The following R3HDM1 variants were observed in gnomAD, a reference collection of about 807,000 sequenced individuals.
R3HDM1 encodes R3H domain-containing protein 1.
R3HDM1 carries 46 observed loss-of-function variants against 141.1 expected under a neutral mutation model. The observed-to-expected ratio is 0.33, with a 90% CI of 0.26 to 0.42. R3HDM1 has a LOEUF of 0.42. R3HDM1 is among the 10% of genes least tolerant of loss of function. R3HDM1 has a pLI of 1.00. For synonymous variants in R3HDM1, 435 were observed against 472.9 expected, an observed-to-expected ratio of 0.92 and a Z score of 1.04; for missense variants, 1,184 against 1,368.3, an observed-to-expected ratio of 0.87 and a Z score of 2.12.
intron 1 of R3HDM1, among the ~76,000 whole-genome samples, chr2:135,536,092 C>T (rs908568320): frequency 1.3e-5 from 2 of 152,094 alleles, no homozygotes; most frequent in African/African-American, 4.8e-5. Context: ...TTCTACCTGT[C>T]AGCTCACTTC....
chr2:135,531,643 GC>G lies in R3HDM1; in HGVS notation c.-250+13del, dbSNP rs1257041271. 79 of 986,330 alleles carry G rather than the reference GC, an allele frequency of 8.0e-5. No homozygotes were observed. Among genetic ancestry groups the G allele is most frequent in the Non-Finnish European group, 9.3e-5 (77 of 830,382 alleles). 61.1% of individuals were successfully genotyped at this position (986,330 alleles called of 1,614,324 possible). On this transcript the variant is annotated intron_variant, in intron 1 of 26. Transcript: ENST00000683871. ...CTCCTCAGTAACGCGGGTAAGAGATGCCCTTCCCTCCCCCGTCCAGCTCCCC... is the reference window on the plus strand; with the variant it reads ...CTCCTCAGTAACGCGGGTAAGAGATGCCTTCCCTCCCCCGTCCAGCTCCCC...
intron 21 of R3HDM1, among the ~76,000 whole-genome samples, chr2:135,683,787 G>A (rs2070770935): frequency 6.6e-6 from 1 of 151,858 alleles, no homozygotes; most frequent in Non-Finnish European, 1.5e-5. Context: ...ACCATCTAAG[G>A]GCTAATGAAT....
chr2:135,672,612 T>G (rs2068563482), intron 19 of R3HDM1, among the ~76,000 whole-genome samples: 1 of 152,236 alleles, frequency 6.6e-6, no homozygotes, highest in East Asian at 1.9e-4. Flanking sequence ...TCTATCTTTA[T>G]CTAACCCAGA....
At chr2:135,585,426 G>A (rs188069325) in intron 1 of R3HDM1, among the ~76,000 whole-genome samples, 9 of 152,230 alleles carry the variant, frequency 5.9e-5, no homozygotes, top group Admixed American at 4.6e-4. Flanking sequence ...TCTTCACATC[G>A]TGCAGGTAAC....
intron 23 of R3HDM1, among the ~76,000 whole-genome samples, chr2:135,711,787 C>T (rs1387689782): frequency 1.3e-5 from 2 of 151,648 alleles, no homozygotes; most frequent in Non-Finnish European, 2.9e-5. Context: ...GGAGAAACCC[C>T]GTCTCTACTA....
rs1176978948 is a variant in R3HDM1 at position 135,675,570 on chromosome 2, C to T, written c.2307+84C>T. ...AACTACAATACATCTTCTATGCTCT[C>T]CTTTTAATACAGGAAAAACATTTCT... On this transcript the variant is annotated intron_variant, in intron 20 of 26. Coordinates refer to ENST00000683871, the MANE Select transcript of R3HDM1 (RefSeq NM_001378107.1). The T allele has an allele frequency of 3.0e-6, 4 of 1,317,076 alleles. No individual in the cohort carries two copies. In the East Asian group the frequency reaches 9.4e-5, roughly 31 times the overall value. 81.6% of individuals were successfully genotyped at this position (1,317,076 alleles called of 1,614,324 possible).
At chr2:135,655,736 C>T (rs1276353428) in intron 18 of R3HDM1, among the ~76,000 whole-genome samples, 5 of 151,938 alleles carry the variant, frequency 3.3e-5, no homozygotes, top group African/African-American at 9.7e-5. Flanking sequence ...CCTCGTGATC[C>T]GCCCGCCTCG....
chr2:135,646,137 CTTT>C (rs200777494), intron 16 of R3HDM1, among the ~76,000 whole-genome samples: 2 of 139,626 alleles, frequency 1.4e-5, no homozygotes, highest in African/African-American at 2.6e-5. Flanking sequence ...TTTATTCTAA[CTTT>C]TTTTTTTTTT....
chr2:135,548,089 A>G (rs948655072), intron 1 of R3HDM1, among the ~76,000 whole-genome samples: 1 of 152,158 alleles, frequency 6.6e-6, no homozygotes, highest in Non-Finnish European at 1.5e-5. Context: ...TTTTTCTGAC[A>G]TCAGACTTGA....
At chr2:135,706,731 A>G (rs972770545) in intron 21 of R3HDM1, among the ~76,000 whole-genome samples, 1 of 152,116 alleles carries the variant, frequency 6.6e-6, no homozygotes, top group Non-Finnish European at 1.5e-5. Flanking sequence ...AGGCAGAAGA[A>G]TTTTTCTTAG....
chr2:135,644,442 T>C (rs1363628259), intron 15 of R3HDM1, among the ~76,000 whole-genome samples: 1 of 151,918 alleles, frequency 6.6e-6, no homozygotes, highest in African/African-American at 2.4e-5. Flanking sequence ...GAGGCTGAGG[T>C]TGCAGTCAGC....
intron 18 of R3HDM1, 83 bp downstream of exon 18, chr2:135,652,115 T>C: frequency 6.8e-7 from 1 of 1,467,012 alleles, no homozygotes; most frequent in Non-Finnish European, 9.0e-7. Flanking sequence ...TATTTTTAAA[T>C]TCTCATGAAG....
At position 135,531,516 on chromosome 2, in the gene R3HDM1, T is replaced by C. The variant is rs1261896458; in HGVS notation, c.-367T>C. 2.0e-6 allele frequency: 2 copies of C among 985,374 alleles called. No individual in the cohort carries two copies. Among genetic ancestry groups the C allele is most frequent in the African/African-American group, 1.8e-5 (1 of 57,048 alleles). 61.0% of individuals were successfully genotyped at this position (985,374 alleles called of 1,614,324 possible). On this transcript the variant is annotated 5_prime_UTR_variant, in exon 1 of 27. Transcript: ENST00000683871. ...CAGCCGCGGCTGCCGCTGGAGCCGG[T>C]GTCCGGGCTGGTGATGGGGTTAATT... is the stretch of plus-strand genomic sequence containing the variant.
intron 1 of R3HDM1, among the ~76,000 whole-genome samples, chr2:135,588,069 C>T (rs995895965): frequency 5.9e-5 from 9 of 151,628 alleles, no homozygotes; most frequent in Non-Finnish European, 1.3e-4. Flanking sequence ...TTCTACCTCC[C>T]TCCTTCCTCT....
At chr2:135,653,170 A>G (rs991440101) in intron 18 of R3HDM1, among the ~76,000 whole-genome samples, 1 of 151,914 alleles carries the variant, frequency 6.6e-6, no homozygotes, top group Non-Finnish European at 1.5e-5. Context: ...AGCCTGGCCA[A>G]CATGATGAAA....
In R3HDM1 at chr2:135,680,191, T is replaced by A; in HGVS notation, c.2326T>A (p.Ser776Thr). The change falls in exon 21 of 27, where the codon TCT becomes ACT. Residue 776 changes from serine (S) to threonine (T), a missense_variant. Coordinates refer to ENST00000683871, the MANE Select transcript of R3HDM1 (RefSeq NM_001378107.1). The part of the protein sequence containing the change: ...PTYQVSLPQG[S>T]QGIPHQTYQQ... ...ATTTTAGGTTTCACTGCCTCAAGGT[T>A]CTCAAGGAATTCCCCATCAGACTTA... is the stretch of plus-strand genomic sequence containing the variant. The A allele has an allele frequency of 6.2e-7, 1 of 1,613,890 alleles. No individual in the cohort carries two copies. The highest frequency in any genetic ancestry group is 8.5e-7 in the Non-Finnish European group (1 of 1,179,864).
intron 1 of R3HDM1, among the ~76,000 whole-genome samples, chr2:135,565,257 G>C (rs971694677): frequency 3.3e-5 from 5 of 151,492 alleles, no homozygotes; most frequent in African/African-American, 1.2e-4. Context: ...GTTTATGAGA[G>C]TGTACATTTG....
chr2:135,642,690 T>A (rs1427561514), intron 15 of R3HDM1, among the ~76,000 whole-genome samples: 1 of 152,168 alleles, frequency 6.6e-6, no homozygotes, highest in Non-Finnish European at 1.5e-5. Context: ...ATGGCAGTAG[T>A]TTACAGGCAG....
chr2:135,592,583 T>C (rs951651777), intron 1 of R3HDM1, among the ~76,000 whole-genome samples: 21 of 152,268 alleles, frequency 1.4e-4, no homozygotes, highest in Non-Finnish European at 1.5e-4. Flanking sequence ...CTATGTTTTC[T>C]CTTACATGCC....
Sources: allele counts gnomAD v4.1 joint callset (sites outside exome capture counted in the v4.1 genomes callset), GRCh38; gene constraint gnomAD v4.1.1; transcripts MANE v1.5; gene names NCBI Gene and HGNC (gene_info 2026-07-23, HGNC 2026-07-21).